SESTD1: variants seen among roughly 807,000 people sequenced by gnomAD.
SESTD1 encodes the protein SEC14 and spectrin domain containing 1.
SESTD1 carries 43 observed loss-of-function variants against 101.7 expected under a neutral mutation model. That is an observed-to-expected ratio of 0.42 (90% CI 0.33 to 0.55). The LOEUF is 0.55. Ranked by LOEUF, SESTD1 falls within the 20% of genes least tolerant of loss-of-function variation. The probability of loss-of-function intolerance (pLI) is 0.07; values close to 1 mark genes in which losing one functional copy is unlikely to be tolerated. For missense variants in SESTD1, 647 were observed against 815.1 expected (o/e 0.79, Z 2.51); for synonymous variants, 283 against 286.8 (o/e 0.99, Z 0.13).
rs1482634462 is a variant in SESTD1 at position 179,212,235 on chromosome 2, T to C, written c.-25-20369A>G. ...AGCGCAAGGGGCCGGGGGATTTTCC[T>C]TTCCTAGCCAAGGGAAGCCATGACA... On this transcript the variant is annotated intron_variant, in intron 1 of 17. Coordinates refer to ENST00000428443, the MANE Select transcript of SESTD1 (RefSeq NM_178123.5). Among the ~76,000 whole-genome samples the C allele has an allele frequency of 1.5e-5, 2 of 134,656 alleles. 1 individual carries two copies. The highest frequency in any genetic ancestry group is 5.9e-5 in the African/African-American group (2 of 34,038). The allele number at this position is 134,656 out of a possible 152,430, so 88.3% of individuals were successfully genotyped here.
chr2:179,256,791 G>A (rs1448685888), intron 1 of SESTD1, among the ~76,000 whole-genome samples: 1 of 134,260 alleles, frequency 7.4e-6, no homozygotes, highest in East Asian at 2.1e-4. Context: ...CAGCCTAGGC[G>A]ACAGAGCGAG....
intron 3 of SESTD1, among the ~76,000 whole-genome samples, chr2:179,181,788 C>A (rs2046116839): frequency 6.6e-6 from 1 of 152,042 alleles, no homozygotes; most frequent in Admixed American, 6.6e-5. Context: ...ATAAGTCTGG[C>A]TAACCATGGT....
chr2:179,199,573 T>G (rs1425712212), intron 1 of SESTD1, among the ~76,000 whole-genome samples: 1 of 152,052 alleles, frequency 6.6e-6, no homozygotes, highest in East Asian at 1.9e-4. Context: ...ACTGGCAAAC[T>G]GAATCCAGCA....
chr2:179,146,371 ATTATTATCACAAATAT>A lies in SESTD1; in HGVS notation c.637+15_637+30del. 1.3e-6 allele frequency: 2 copies of A among 1,557,262 alleles called. No homozygotes were observed. The highest frequency in any genetic ancestry group is 1.8e-6 in the Non-Finnish European group (2 of 1,131,434). ...CGAATCAATCCAATTGGTTTACTGGATTATTATCACAAATATTTTTTAAATCTTACCTGTCTGAAGA... is the reference window on the plus strand; with the variant it reads ...CGAATCAATCCAATTGGTTTACTGGATTTTTAAATCTTACCTGTCTGAAGA... On this transcript the variant is annotated intron_variant, in intron 8 of 17. Coordinates refer to ENST00000428443, the MANE Select transcript of SESTD1 (RefSeq NM_178123.5).
intron 1 of SESTD1, among the ~76,000 whole-genome samples, chr2:179,197,267 T>A (rs1234961771): frequency 3.3e-5 from 5 of 150,278 alleles, no homozygotes; most frequent in Admixed American, 2.7e-4. Context: ...GAAAAAAAAA[T>A]AAAAACAAAT....
In SESTD1 at chr2:179,121,541, T is replaced by C. The variant is rs769725396; in HGVS notation, c.1442+229A>G. Among the ~76,000 whole-genome samples the C allele has an allele frequency of 1.4e-4, 21 of 152,230 alleles. No homozygotes were observed. In the Middle Eastern group the frequency reaches 0.014, roughly 99 times the overall value. On this transcript the variant is annotated intron_variant, in intron 13 of 17. Coordinates refer to ENST00000428443, the MANE Select transcript of SESTD1 (RefSeq NM_178123.5). ...TGGAATTTGAAATAGTTGAGTATAA[T>C]TGAAATTTTTACAACCCAATAAAAA...
intron 1 of SESTD1, among the ~76,000 whole-genome samples, chr2:179,198,071 C>A (rs2046433413): frequency 6.6e-6 from 1 of 152,156 alleles, no homozygotes; most frequent in South Asian, 2.1e-4. Flanking sequence ...ACCCACCTCA[C>A]ATGCAGAGAC....
At chr2:179,231,102 G>T (rs1013870911) in intron 1 of SESTD1, among the ~76,000 whole-genome samples, 2 of 152,124 alleles carry the variant, frequency 1.3e-5, no homozygotes, top group African/African-American at 4.8e-5. Flanking sequence ...AAGGCTACAG[G>T]AGAACAATTT....
rs1325536971 is a variant in SESTD1 at position 179,102,334 on chromosome 2, T to C, written c.*7565A>G. On this transcript the variant is annotated 3_prime_UTR_variant, in exon 18 of 18. Coordinates refer to ENST00000428443, the MANE Select transcript of SESTD1 (RefSeq NM_178123.5). ...TTTTAGGTAACACTGTTAGAAACAA[T>C]TTAAACCTTTACAAAAAATAACTCA... 6.6e-6 allele frequency: 1 copy of C among 152,146 alleles called. No homozygotes were observed. Among genetic ancestry groups the C allele is most frequent in the Non-Finnish European group, 1.5e-5 (1 of 68,010 alleles). The allele number at this position is 152,146 out of a possible 1,614,324, so 9.4% of individuals were successfully genotyped here.
rs1390232300 is a variant in SESTD1 at position 179,137,478 on chromosome 2, GA to G, written c.850-5053del. Among the ~76,000 whole-genome samples the G allele has an allele frequency of 2.0e-5, 3 of 152,178 alleles. 1 individual carries two copies. Among genetic ancestry groups the G allele is most frequent in the Non-Finnish European group, 4.4e-5 (3 of 68,032 alleles). On this transcript the variant is annotated intron_variant, in intron 9 of 17. Transcript: ENST00000428443. ...TTGGCATCTATGATTCCTCTCTACA[GA>G]GGAAGAAAAGCACATGGATGATTCT...
At chr2:179,119,544 C>G (rs1213861989) in intron 13 of SESTD1, among the ~76,000 whole-genome samples, 1 of 152,130 alleles carries the variant, frequency 6.6e-6, no homozygotes, top group Non-Finnish European at 1.5e-5. Flanking sequence ...GATGCCTCCC[C>G]TTCCACCACG....
chr2:179,123,056 G>A (rs1559100015), intron 12 of SESTD1, among the ~76,000 whole-genome samples: 1 of 151,906 alleles, frequency 6.6e-6, no homozygotes, highest in African/African-American at 2.4e-5. Flanking sequence ...CTCTTCCATT[G>A]CCATTTCCCC....
chr2:179,119,114 A>T (rs2044695272), intron 13 of SESTD1, among the ~76,000 whole-genome samples: 1 of 152,238 alleles, frequency 6.6e-6, no homozygotes, highest in Non-Finnish European at 1.5e-5. Context: ...CAAGAAGACA[A>T]ACTCCATCTG....
intron 4 of SESTD1, among the ~76,000 whole-genome samples, chr2:179,175,874 C>A (rs937150868): frequency 2.6e-5 from 4 of 152,124 alleles, no homozygotes; most frequent in African/African-American, 7.2e-5. Flanking sequence ...AGTTTGTAAT[C>A]GTAGATGTTT....
intron 1 of SESTD1, among the ~76,000 whole-genome samples, chr2:179,243,851 C>T (rs983558786): frequency 1.3e-5 from 2 of 151,842 alleles, no homozygotes; most frequent in African/African-American, 4.8e-5. Context: ...CTAACTTCAG[C>T]ATCATGCACT....
At chr2:179,163,703 T>C (rs557761984) in intron 5 of SESTD1, among the ~76,000 whole-genome samples, 1 of 152,194 alleles carries the variant, frequency 6.6e-6, no homozygotes, top group South Asian at 2.1e-4. Context: ...TTCCCCTTCA[T>C]TTTATACATG....
chr2:179,139,062 T>C (rs1008102207), intron 9 of SESTD1, among the ~76,000 whole-genome samples: 2 of 152,162 alleles, frequency 1.3e-5, no homozygotes, highest in Non-Finnish European at 2.9e-5. Context: ...TCTCTGAATA[T>C]GCACACAGCT....
In SESTD1 at chr2:179,214,005, G is replaced by T. The variant is rs190096986; in HGVS notation, c.-25-22139C>A. ...GCACTCAACATGGGAAGGAACAACC[G>T]GTACCAGCCACTGCAAAAACGTGCC... On this transcript the variant is annotated intron_variant, in intron 1 of 17. Coordinates refer to ENST00000428443, the MANE Select transcript of SESTD1 (RefSeq NM_178123.5). Among the ~76,000 whole-genome samples the T allele has an allele frequency of 3.0e-5, 4 of 134,634 alleles. 1 individual carries two copies. The highest frequency in any genetic ancestry group is 6.4e-5 in the Non-Finnish European group (4 of 62,750). The allele number at this position is 134,634 out of a possible 152,430, so 88.3% of individuals were successfully genotyped here.
intron 5 of SESTD1, among the ~76,000 whole-genome samples, chr2:179,154,935 C>T (rs2045600091): frequency 6.6e-6 from 1 of 152,098 alleles, no homozygotes; most frequent in African/African-American, 2.4e-5. Context: ...CAAAATTAAG[C>T]TGGAAATCAA....
Sources: gnomAD v4.1 joint callset for allele counts (sites outside exome capture counted in the v4.1 genomes callset) on GRCh38, gnomAD v4.1.1 for gene constraint, MANE v1.5 for transcripts, NCBI Gene and HGNC (gene_info 2026-07-23, HGNC 2026-07-21) for gene names.